TNFRSF10A: variants seen among roughly 807,000 people sequenced by gnomAD.
The protein encoded by TNFRSF10A is TNF receptor superfamily member 10a, also known as tumor necrosis factor receptor superfamily member 10A.
A neutral mutation model predicts 42.8 loss-of-function variants in TNFRSF10A; 44 were observed. That is an observed-to-expected ratio of 1.03 (90% CI 0.81 to 1.32). TNFRSF10A has a LOEUF of 1.32. Among genes scored for constraint, TNFRSF10A ranks in the 40% most tolerant of loss-of-function variants. The pLI is 0.00. For missense variants in TNFRSF10A, 680 were observed against 602.0 expected (o/e 1.13, Z -1.36); for synonymous variants, 259 against 234.2 (o/e 1.11, Z -0.97).
intron 2 of TNFRSF10A, among the ~76,000 whole-genome samples, chr8:23,209,098 C>T (rs536817236): frequency 6.6e-6 from 1 of 152,326 alleles, no homozygotes; most frequent in Non-Finnish European, 1.5e-5. Flanking sequence ...CAAGGTACAG[C>T]TTGGGCTGTT....
chr8:23,197,205 CTGTAACACACAG>C lies in TNFRSF10A; in HGVS notation c.1015-13_1015-2del. On this transcript the variant is annotated splice_acceptor_variant and splice_polypyrimidine_tract_variant and intron_variant, in intron 8 of 9. Coordinates refer to ENST00000221132, the MANE Select transcript of TNFRSF10A (RefSeq NM_003844.4). LOFTEE classifies it high-confidence loss of function. ...GAGACCCTTCAGCTTCTGCCGGTCC[CTGTAACACACAG>C]TGGGGAATGCCTTGGTCTGAGTCAG... The C allele has an allele frequency of 6.2e-7, 1 of 1,614,170 alleles. No individual in the cohort carries two copies. Among genetic ancestry groups the C allele is most frequent in the Non-Finnish European group, 8.5e-7 (1 of 1,179,992 alleles).
chr8:23,201,789 C>T lies in TNFRSF10A; in HGVS notation c.629+19G>A. ...TGGGTTCTTTGAGGCTGCTGGGAGCCCCTTGGCTGTTGTCTCACCCTCTGC... is the reference window on the plus strand; with the variant it reads ...TGGGTTCTTTGAGGCTGCTGGGAGCTCCTTGGCTGTTGTCTCACCCTCTGC... On this transcript the variant is annotated intron_variant, in intron 4 of 9. Coordinates refer to ENST00000221132, the MANE Select transcript of TNFRSF10A (RefSeq NM_003844.4). 1 of 1,610,100 alleles carries T rather than the reference C, an allele frequency of 6.2e-7. No homozygotes were observed. Among genetic ancestry groups the T allele is most frequent in the African/African-American group, 1.3e-5 (1 of 74,972 alleles).
Position 23,207,462 on chromosome 8 carries a change from C to A in TNFRSF10A, c.403+4654G>T, listed in dbSNP as rs191893298. 202 of 417,880 alleles carry A rather than the reference C, an allele frequency of 4.8e-4. 3 individuals are homozygous for A. In the East Asian group the frequency reaches 9.9e-3, roughly 20 times the overall value. 25.9% of individuals were successfully genotyped at this position (417,880 alleles called of 1,614,324 possible). ...AGATGCCTTTACCACTGAATGATAC[C>A]AACCATTTCAAGAAGAATTAATACC... On this transcript the variant is annotated intron_variant, in intron 2 of 9. Coordinates refer to ENST00000221132, the MANE Select transcript of TNFRSF10A (RefSeq NM_003844.4).
rs11986840 is a variant in TNFRSF10A, at chr8:23,212,205, G to C, written c.314C>G (p.Pro105Arg). Residue 105 changes from proline to arginine, a missense_variant, in exon 2 of 10, where the codon CCT (proline) becomes CGT (arginine). Transcript: ENST00000221132. ...VVVGVLLQVV[P>R]SSAATIKLHD... ...AAGTTTGATGGTTGCAGCTGAGCTA[G>C]GTACGACCTGTGGGGACAAAGCAGG... 5.4e-4 allele frequency: 873 copies of C among 1,613,238 alleles called. 7 individuals carry two copies. In the African/African-American group the frequency reaches 0.011, roughly 20 times the overall value.
intron 2 of TNFRSF10A, chr8:23,207,230 G>T: frequency 1.7e-6 from 1 of 598,286 alleles, no homozygotes; most frequent in Non-Finnish European, 3.2e-6. Flanking sequence ...AGATCAAACA[G>T]GTTGTGAAGA....
chr8:23,203,182 G>C (rs1800959044), intron 2 of TNFRSF10A, among the ~76,000 whole-genome samples: 1 of 152,124 alleles, frequency 6.6e-6, no homozygotes, highest in African/African-American at 2.4e-5. Flanking sequence ...AATTCAAAGT[G>C]GCTGTGTTTT....
chr8:23,209,893 G>A (rs1388596504), intron 2 of TNFRSF10A, among the ~76,000 whole-genome samples: 3 of 152,208 alleles, frequency 2.0e-5, no homozygotes, highest in Non-Finnish European at 4.4e-5. Context: ...GACATGAGAT[G>A]TGGGAGGGGC....
chr8:23,191,607 T>C lies in TNFRSF10A; in HGVS notation c.*87A>G, dbSNP rs907922261. The C allele has an allele frequency of 6.9e-7, 1 of 1,440,390 alleles. No homozygotes were observed. Among genetic ancestry groups the C allele is most frequent in the African/African-American group, 1.4e-5 (1 of 69,474 alleles). 89.2% of individuals were successfully genotyped at this position (1,440,390 alleles called of 1,614,324 possible). A position where few individuals can be genotyped will look rare whatever the true frequency, so the allele number is the denominator to read the frequency against. On this transcript the variant is annotated 3_prime_UTR_variant, in exon 10 of 10. Coordinates refer to ENST00000221132, the MANE Select transcript of TNFRSF10A (RefSeq NM_003844.4). Reference sequence around the variant, plus strand: ...GAGCCACTACACCTGGCTAAGAATTTACTTTGTATACATGTTAAAAAAAAA... The same window carrying C: ...GAGCCACTACACCTGGCTAAGAATTCACTTTGTATACATGTTAAAAAAAAA...
rs987464553 is a variant in TNFRSF10A at position 23,224,929 on chromosome 8, T to C, written c.133A>G (p.Ile45Val). 2 of 1,599,190 alleles carry C rather than the reference T, an allele frequency of 1.3e-6. No individual in the cohort carries two copies. Among genetic ancestry groups the C allele is most frequent in the Non-Finnish European group, 1.7e-6 (2 of 1,173,320 alleles). Residue 45 changes from isoleucine (I) to valine (V), a missense_variant, in exon 1 of 10, where the codon ATT (isoleucine) becomes GTT (valine). Ile to Val is a conservative substitution (Grantham distance 29). Coordinates refer to ENST00000221132, the MANE Select transcript of TNFRSF10A (RefSeq NM_003844.4). ...CCTCGGCCCCCGCCTCGTGGTTCAA[T>C]CCTCCCCGCGGAAGAGCCCCACACT... The part of the protein sequence containing the change: ...SKVWGSSAGR[I>V]EPRGGGRGAL...
intron 1 of TNFRSF10A, among the ~76,000 whole-genome samples, chr8:23,212,506 A>G (rs1339909051): frequency 2.0e-5 from 3 of 152,246 alleles, no homozygotes; most frequent in Non-Finnish European, 2.9e-5. Context: ...TCATATTTCA[A>G]TTAGCATAAA....
intron 1 of TNFRSF10A, among the ~76,000 whole-genome samples, chr8:23,218,573 G>A (rs1463757828): frequency 4.6e-5 from 7 of 152,182 alleles, no homozygotes; most frequent in Middle Eastern, 3.4e-3. Context: ...CTCATGGTCT[G>A]GGGGAAGCCA....
chr8:23,209,478 C>T (rs1213818269), intron 2 of TNFRSF10A, among the ~76,000 whole-genome samples: 1 of 152,200 alleles, frequency 6.6e-6, no homozygotes, highest in Admixed American at 6.5e-5. Flanking sequence ...TGAAACCAGC[C>T]AGGAGGGGCG....
intron 1 of TNFRSF10A, among the ~76,000 whole-genome samples, chr8:23,218,174 G>C (rs1308440109): frequency 6.6e-6 from 1 of 151,936 alleles, no homozygotes; most frequent in East Asian, 1.9e-4. Context: ...GTGAGAGAGA[G>C]AGAGGGAGAG....
intron 2 of TNFRSF10A, 45 bp downstream of exon 2, chr8:23,212,071 G>C (rs771985462): frequency 6.5e-7 from 1 of 1,534,782 alleles, no homozygotes; most frequent in Non-Finnish European, 9.0e-7. Context: ...TATAGGGTAA[G>C]GAAAAGAGAG....
At chr8:23,213,127 G>T (rs748701156) in intron 1 of TNFRSF10A, among the ~76,000 whole-genome samples, 1 of 152,100 alleles carries the variant, frequency 6.6e-6, no homozygotes. Context: ...TTGGTAGGTA[G>T]TGTGTTTTTA....
chr8:23,210,526 C>CA (rs1296379636), intron 2 of TNFRSF10A, among the ~76,000 whole-genome samples: 2 of 151,882 alleles, frequency 1.3e-5, no homozygotes, highest in African/African-American at 2.4e-5. Flanking sequence ...CTAAAAAATA[C>CA]AAAAAATTAG....
chr8:23,214,219 G>A (rs1801141966), intron 1 of TNFRSF10A, among the ~76,000 whole-genome samples: 1 of 152,094 alleles, frequency 6.6e-6, no homozygotes, highest in Admixed American at 6.5e-5. Context: ...CGGGCGCAGT[G>A]GCTCATGCCT....
At chr8:23,214,507 AGT>A (rs1468609169) in intron 1 of TNFRSF10A, among the ~76,000 whole-genome samples, 1 of 151,950 alleles carries the variant, frequency 6.6e-6, no homozygotes, top group African/African-American at 2.4e-5. Context: ...ACAGCAAAAA[AGT>A]GTTGTTTAAT....
intron 1 of TNFRSF10A, among the ~76,000 whole-genome samples, chr8:23,224,083 T>G (rs2128852555): frequency 6.6e-6 from 1 of 151,646 alleles, no homozygotes; most frequent in Admixed American, 6.6e-5. Flanking sequence ...TCCCAGCACT[T>G]TGGGAGGCCG....
Sources: gnomAD v4.1 joint callset for allele counts (sites outside exome capture counted in the v4.1 genomes callset) on GRCh38, gnomAD v4.1.1 for gene constraint, MANE v1.5 for transcripts, NCBI Gene and HGNC (gene_info 2026-07-23, HGNC 2026-07-21) for gene names.